The following LPP variants were observed in gnomAD, a reference collection of about 807,000 sequenced individuals.
LPP encodes lipoma-preferred partner.
In LPP, 38 loss-of-function variants were observed where a neutral mutation model predicts 60.4. The ratio of observed to expected loss-of-function variants is 0.63; its 90% CI spans 0.49 to 0.83. The LOEUF is 0.83. Ranked by LOEUF, LPP falls within the 40% of genes least tolerant of loss-of-function variation. The pLI, the probability that LPP is intolerant of heterozygous loss-of-function variation, is 0.00. For synonymous variants in LPP, 328 were observed against 290.8 expected (o/e 1.13, Z -1.30); for missense variants, 902 against 783.6 (o/e 1.15, Z -1.80).
At chr3:188,811,485 G>A (rs1479614277) in intron 9 of LPP, among the ~76,000 whole-genome samples, 1 of 152,036 alleles carries the variant, frequency 6.6e-6, no homozygotes, top group African/African-American at 2.4e-5. Context: ...TTTAAGTATA[G>A]CAGTGTAGAT....
intron 9 of LPP, among the ~76,000 whole-genome samples, chr3:188,812,900 T>C (rs772056060): frequency 6.6e-6 from 1 of 152,122 alleles, no homozygotes; most frequent in Non-Finnish European, 1.5e-5. Flanking sequence ...AATTACACTT[T>C]TTTTTTTATC....
intron 8 of LPP, among the ~76,000 whole-genome samples, chr3:188,727,482 A>C (rs954341966): frequency 6.6e-6 from 1 of 152,208 alleles, no homozygotes; most frequent in African/African-American, 2.4e-5. Flanking sequence ...TTCTTGGGTC[A>C]CTGAATAATT....
intron 2 of LPP, among the ~76,000 whole-genome samples, chr3:188,318,411 A>C: frequency 8.0e-6 from 1 of 125,654 alleles, no homozygotes; most frequent in East Asian, 3.6e-4. Context: ...TAGGATTTCC[A>C]AAAAAACAAA....
At chr3:188,758,412 C>T (rs910870812) in intron 8 of LPP, among the ~76,000 whole-genome samples, 13 of 152,088 alleles carry the variant, frequency 8.5e-5, no homozygotes, top group Admixed American at 7.9e-4. Flanking sequence ...CCACCCACCT[C>T]GGCCTCCCAA....
intron 7 of LPP, among the ~76,000 whole-genome samples, chr3:188,699,859 G>A (rs1377608910): frequency 1.3e-5 from 2 of 152,172 alleles, no homozygotes; most frequent in Non-Finnish European, 2.9e-5. Context: ...GATGTTGAGA[G>A]TAGAGTATAA....
intron 8 of LPP, among the ~76,000 whole-genome samples, chr3:188,755,395 G>A (rs560105261): frequency 1.3e-5 from 2 of 151,998 alleles, no homozygotes; most frequent in Non-Finnish European, 2.9e-5. Context: ...TGCAAAAGAG[G>A]GTCTGTGGCT....
At chr3:188,169,180 G>GTT (rs1720860959) in intron 1 of LPP, among the ~76,000 whole-genome samples, 1 of 152,124 alleles carries the variant, frequency 6.6e-6, no homozygotes, top group Non-Finnish European at 1.5e-5. Context: ...TTAACATTTC[G>GTT]TTTTTCAAAA....
intron 8 of LPP, among the ~76,000 whole-genome samples, chr3:188,745,879 G>A (rs547323381): frequency 6.6e-6 from 1 of 152,060 alleles, no homozygotes. Flanking sequence ...ATTTCCAAAA[G>A]AGGGAACTGA....
At chr3:188,191,744 G>A (rs1165729416) in intron 1 of LPP, among the ~76,000 whole-genome samples, 3 of 152,216 alleles carry the variant, frequency 2.0e-5, no homozygotes, top group Non-Finnish European at 4.4e-5. Flanking sequence ...GTAGCTGAGT[G>A]TTCTGGATGC....
intron 6 of LPP, among the ~76,000 whole-genome samples, chr3:188,574,237 G>T (rs1834122310): frequency 6.6e-6 from 1 of 152,134 alleles, no homozygotes. Context: ...AACCGTCTGG[G>T]TGACTCACAA....
At chr3:188,303,853 A>G (rs1448309561) in intron 2 of LPP, among the ~76,000 whole-genome samples, 1 of 152,214 alleles carries the variant, frequency 6.6e-6, no homozygotes, top group African/African-American at 2.4e-5. Context: ...GAAAAGGTGT[A>G]TGGCTTTGGA....
chr3:188,780,783 G>A (rs747672250), intron 9 of LPP, among the ~76,000 whole-genome samples: 1 of 152,064 alleles, frequency 6.6e-6, no homozygotes, highest in Non-Finnish European at 1.5e-5. Flanking sequence ...ATCAGATGCA[G>A]CCCACTGTCC....
At chr3:188,291,681 A>G (rs900132444) in intron 2 of LPP, among the ~76,000 whole-genome samples, 10 of 150,912 alleles carry the variant, frequency 6.6e-5, no homozygotes, top group African/African-American at 2.2e-4. Flanking sequence ...GGACATTAAG[A>G]TGATACCTTA....
Position 188,217,274 on chromosome 3 carries a change from C to T in LPP, c.-189-8131C>T, listed in dbSNP as rs921798511. 1.3e-5 allele frequency among the ~76,000 whole-genome samples: 2 copies of T among 152,158 alleles called. No homozygotes were observed. The highest frequency in any genetic ancestry group is 1.5e-5 in the Non-Finnish European group (1 of 68,004). ...GGAAGAGCACTGCAGGCAGTGGAGACGGTCAATGCAAAGGTCAAGGCTGTG... is the reference window on the plus strand; with the variant it reads ...GGAAGAGCACTGCAGGCAGTGGAGATGGTCAATGCAAAGGTCAAGGCTGTG... On this transcript the variant is annotated intron_variant, in intron 1 of 11. Transcript: ENST00000617246. This position sits in a 1 kb window ranked among gnomAD's most constrained non-coding sequence, Gnocchi z 4.0.
intron 4 of LPP, among the ~76,000 whole-genome samples, chr3:188,429,366 A>G (rs1272477934): frequency 6.6e-6 from 1 of 152,156 alleles, no homozygotes; most frequent in African/African-American, 2.4e-5. Flanking sequence ...ATATCCCAAT[A>G]AAAACAAAGA....
At chr3:188,749,299 C>T (rs1287517513) in intron 8 of LPP, among the ~76,000 whole-genome samples, 1 of 152,152 alleles carries the variant, frequency 6.6e-6, no homozygotes, top group African/African-American at 2.4e-5. Context: ...CCCAAAGGCT[C>T]TCAGGTCTCA....
intron 9 of LPP, among the ~76,000 whole-genome samples, chr3:188,840,617 G>A (rs1335710085): frequency 1.3e-5 from 2 of 152,122 alleles, no homozygotes; most frequent in Admixed American, 6.5e-5. Context: ...TTCCACCTCA[G>A]CCTCTCAAGT....
At chr3:188,344,820 G>A (rs932515853) in intron 3 of LPP, among the ~76,000 whole-genome samples, 1 of 152,190 alleles carries the variant, frequency 6.6e-6, no homozygotes, top group African/African-American at 2.4e-5. Flanking sequence ...TGTTAGGAAA[G>A]AAAAGCTGTT....
chr3:188,433,936 A>G (rs1475698208), intron 4 of LPP, among the ~76,000 whole-genome samples: 1 of 152,198 alleles, frequency 6.6e-6, no homozygotes, highest in East Asian at 1.9e-4. Flanking sequence ...CTCCTAAAAC[A>G]GGAACTTGAT....
Sources: allele counts gnomAD v4.1 joint callset (sites outside exome capture counted in the v4.1 genomes callset), GRCh38; gene constraint gnomAD v4.1.1; non-coding constraint Gnocchi (gnomAD v3.1); transcripts MANE v1.5; gene names NCBI Gene and HGNC (gene_info 2026-07-23, HGNC 2026-07-21).